The following TLN2 variants were observed in gnomAD, a reference collection of about 807,000 sequenced individuals.
TLN2 encodes talin-2.
TLN2 carries 118 observed loss-of-function variants against 294.7 expected under a neutral mutation model. That is an observed-to-expected ratio of 0.40 (90% CI 0.34 to 0.47). The LOEUF (loss-of-function observed/expected upper bound fraction) is 0.47, where lower values mean the gene tolerates loss of function less well. Among genes scored for constraint, TLN2 ranks in the 20% least tolerant of loss-of-function variants. The pLI, the probability that TLN2 is intolerant of heterozygous loss-of-function variation, is 0.84. For synonymous variants in TLN2, 1,431 were observed against 1,304.5 expected (o/e 1.10, Z -2.09); for missense variants, 3,083 against 3,282.2 (o/e 0.94, Z 1.48).
At chr15:62,747,183 A>T (rs1465822258) in intron 32 of TLN2, among the ~76,000 whole-genome samples, 2 of 152,248 alleles carry the variant, frequency 1.3e-5, no homozygotes, top group Non-Finnish European at 2.9e-5. Context: ...CAGACAAATT[A>T]AACAGCGGCT....
chr15:62,627,840 T>A (rs528038730), intron 3 of TLN2, among the ~76,000 whole-genome samples: 3 of 37,516 alleles, frequency 8.0e-5, no homozygotes, highest in African/African-American at 1.5e-4. Flanking sequence ...TTAGGCAATT[T>A]TGGGCTCGTT....
At chr15:62,536,738 G>A (rs994627467) in intron 1 of TLN2, among the ~76,000 whole-genome samples, 1 of 152,118 alleles carries the variant, frequency 6.6e-6, no homozygotes, top group Non-Finnish European at 1.5e-5. Context: ...CGAGCTATTC[G>A]CAAGAATAGG....
In TLN2 at chr15:62,805,846, G is replaced by A; in HGVS notation, c.6663+61G>A. The A allele has an allele frequency of 3.9e-6, 6 of 1,542,166 alleles. No homozygotes were observed. In the South Asian group the frequency reaches 7.5e-5, roughly 19 times the overall value. On this transcript the variant is annotated intron_variant, in intron 51 of 58. Coordinates refer to ENST00000636159, the MANE Select transcript of TLN2 (RefSeq NM_015059.3). ...ATTCTCTGTCGTGACTGGGTTGCTT[G>A]GTGTAGTCTGAAAAAGGGGAGGGGC...
At chr15:62,668,755 C>T (rs1054840926) in intron 9 of TLN2, among the ~76,000 whole-genome samples, 2 of 152,160 alleles carry the variant, frequency 1.3e-5, no homozygotes, top group Non-Finnish European at 2.9e-5. Context: ...CGGCTTCCCA[C>T]GGCTTTTGTC....
intron 12 of TLN2, 100 bp downstream of exon 12, chr15:62,686,896 C>A: frequency 6.8e-7 from 1 of 1,467,508 alleles, no homozygotes; most frequent in Non-Finnish European, 9.1e-7. Context: ...GTTTCTCTGG[C>A]CTGGGAGAGC....
rs974925219 is a variant in TLN2 at position 62,593,854 on chromosome 15, C to G, written c.-162+4092C>G. Among the ~76,000 whole-genome samples, 2 of 152,310 alleles carry G rather than the reference C, an allele frequency of 1.3e-5. 1 individual carries two copies. The highest frequency in any genetic ancestry group is 4.2e-4 in the South Asian group (2 of 4,816). Reference sequence around the variant, plus strand: ...CATGTAAGGCCAGCTGCAGTGCTGTCAACACACCACTATAAAGCCTGATAA... The same window carrying G: ...CATGTAAGGCCAGCTGCAGTGCTGTGAACACACCACTATAAAGCCTGATAA... On this transcript the variant is annotated intron_variant, in intron 2 of 58. Transcript: ENST00000636159.
intron 52 of TLN2, among the ~76,000 whole-genome samples, chr15:62,818,764 T>A (rs2067313952): frequency 6.6e-6 from 1 of 152,030 alleles, no homozygotes; most frequent in Non-Finnish European, 1.5e-5. Context: ...TTTCCTCTGG[T>A]CCTTTATTTT....
intron 1 of TLN2, among the ~76,000 whole-genome samples, chr15:62,497,213 A>T (rs920929523): frequency 6.6e-6 from 1 of 152,196 alleles, no homozygotes; most frequent in Admixed American, 6.5e-5. Flanking sequence ...TGGATGAATG[A>T]GTGGGGCTGA....
intron 28 of TLN2, among the ~76,000 whole-genome samples, chr15:62,731,724 A>G (rs2060737729): frequency 6.6e-6 from 1 of 151,938 alleles, no homozygotes; most frequent in African/African-American, 2.4e-5. Flanking sequence ...TAAACATTGG[A>G]CTCACTCCTT....
At chr15:62,794,456 G>A (rs2065316837) in intron 46 of TLN2, among the ~76,000 whole-genome samples, 1 of 152,070 alleles carries the variant, frequency 6.6e-6, no homozygotes, top group African/African-American at 2.4e-5. Flanking sequence ...ACAGAGGGTG[G>A]GATGCTATTT....
intron 1 of TLN2, among the ~76,000 whole-genome samples, chr15:62,549,929 C>T (rs896156125): frequency 6.6e-6 from 1 of 152,138 alleles, no homozygotes; most frequent in Admixed American, 6.5e-5. Flanking sequence ...AGCCTGCCAC[C>T]TGAGATTCTG....
chr15:62,768,440 A>G (rs2063154216), intron 41 of TLN2, among the ~76,000 whole-genome samples: 2 of 152,022 alleles, frequency 1.3e-5, no homozygotes, highest in Non-Finnish European at 1.5e-5. Flanking sequence ...GACACTTGTT[A>G]TTGGATTTAG....
intron 1 of TLN2, among the ~76,000 whole-genome samples, chr15:62,534,633 A>C (rs577579448): frequency 3.9e-4 from 60 of 152,260 alleles, no homozygotes; most frequent in African/African-American, 1.4e-3. Flanking sequence ...TTGATGATCA[A>C]GTCAGACTTC....
chr15:62,425,872 G>T (rs1041533726), intron 1 of TLN2, among the ~76,000 whole-genome samples: 2 of 152,146 alleles, frequency 1.3e-5, no homozygotes, highest in African/African-American at 2.4e-5. Context: ...CCTACTTATT[G>T]CCCCACATAG....
At chr15:62,652,194 C>CT (rs1227657032) in intron 6 of TLN2, 60 bp downstream of exon 6, 6 of 1,437,390 alleles carry the variant, frequency 4.2e-6, no homozygotes, top group Admixed American at 4.6e-5. Flanking sequence ...CAGGCCTCTT[C>CT]TTTTTTCCAC....
At chr15:62,788,168 G>A (rs545001797) in intron 45 of TLN2, among the ~76,000 whole-genome samples, 6 of 151,650 alleles carry the variant, frequency 4.0e-5, no homozygotes, top group African/African-American at 1.4e-4. Context: ...AAAATTAGCC[G>A]GGCATGGTGG....
At chr15:62,525,522 G>C (rs1204237450) in intron 1 of TLN2, among the ~76,000 whole-genome samples, 3 of 152,212 alleles carry the variant, frequency 2.0e-5, no homozygotes, top group Non-Finnish European at 4.4e-5. Context: ...AACAATGTGT[G>C]AGGTTAGTAC....
intron 30 of TLN2, among the ~76,000 whole-genome samples, chr15:62,738,858 C>T (rs1318836653): frequency 6.6e-6 from 1 of 152,194 alleles, no homozygotes; most frequent in Non-Finnish European, 1.5e-5. Flanking sequence ...AAATGGTTAT[C>T]AGTCTGCTAG....
intron 1 of TLN2, among the ~76,000 whole-genome samples, chr15:62,585,803 T>A (rs1054840091): frequency 6.6e-6 from 1 of 152,176 alleles, no homozygotes; most frequent in Admixed American, 6.5e-5. Flanking sequence ...TAGGTGTGTT[T>A]CCATTGGAGA....
Sources: allele counts gnomAD v4.1 joint callset (sites outside exome capture counted in the v4.1 genomes callset), GRCh38; gene constraint gnomAD v4.1.1; transcripts MANE v1.5; gene names NCBI Gene and HGNC (gene_info 2026-07-23, HGNC 2026-07-21).